The following RASEF variants were observed in gnomAD, a reference collection of about 807,000 sequenced individuals.
RASEF encodes the protein ras and EF-hand domain-containing protein.
Under a neutral mutation model 90.1 loss-of-function variants are expected in RASEF, and 68 were observed. That is an observed-to-expected ratio of 0.75 (90% CI 0.62 to 0.92). RASEF has a LOEUF of 0.92. Ranked by LOEUF, RASEF falls within the 40% of genes least tolerant of loss-of-function variation. RASEF has a pLI of 0.00. For missense variants in RASEF, 949 were observed against 937.2 expected (o/e 1.01, Z -0.16); for synonymous variants, 331 against 345.2 (o/e 0.96, Z 0.46).
chr9:83,190,993 T>C, the RASEF span, among the ~76,000 whole-genome samples: 1 of 152,220 alleles, frequency 6.6e-6, no homozygotes, highest in Non-Finnish European at 1.5e-5. Flanking sequence ...ATTCACTTAG[T>C]GCATGGCCTG....
At chr9:83,034,667 G>A (rs567980262) in intron 1 of RASEF, among the ~76,000 whole-genome samples, 50 of 152,310 alleles carry the variant, frequency 3.3e-4, no homozygotes, top group Middle Eastern at 3.4e-3. Context: ...TCATGCTGAC[G>A]CTTTACTGCA....
At chr9:83,059,007 G>A (rs1243170385) in intron 1 of RASEF, among the ~76,000 whole-genome samples, 1 of 152,076 alleles carries the variant, frequency 6.6e-6, no homozygotes, top group Non-Finnish European at 1.5e-5. Flanking sequence ...CCTGACCTGA[G>A]GCTGTCCCTC....
the RASEF span, among the ~76,000 whole-genome samples, chr9:83,198,839 G>T: frequency 6.7e-3 from 1,016 of 152,048 alleles, 14 homozygotes; most frequent in African/African-American, 0.023. Context: ...AGAATGGGGG[G>T]GAGGGATAAA....
the RASEF span, among the ~76,000 whole-genome samples, chr9:83,145,406 T>G: frequency 6.6e-6 from 1 of 152,126 alleles, no homozygotes; most frequent in African/African-American, 2.4e-5. Flanking sequence ...TTAATAGGTA[T>G]TAAATATTAT....
chr9:83,139,388 A>G, the RASEF span, among the ~76,000 whole-genome samples: 6 of 152,170 alleles, frequency 3.9e-5, no homozygotes, highest in African/African-American at 2.4e-5. Flanking sequence ...AAACTTAACT[A>G]TTAATAGCCT....
chr9:83,001,180 G>T, intron 9 of RASEF, 50 bp from the exon 10 acceptor site: 1 of 1,350,604 alleles, frequency 7.4e-7, no homozygotes, highest in Non-Finnish European at 1.0e-6. Context: ...AAATGCTCAA[G>T]AACATACAGG....
the RASEF span, among the ~76,000 whole-genome samples, chr9:83,110,371 ATTTATTT>A: frequency 6.6e-6 from 1 of 152,054 alleles, no homozygotes; most frequent in Non-Finnish European, 1.5e-5. Flanking sequence ...TATACCAATA[ATTTATTT>A]TTTAAAAAAC....
the RASEF span, among the ~76,000 whole-genome samples, chr9:83,142,647 A>G: frequency 6.6e-6 from 1 of 152,190 alleles, no homozygotes; most frequent in Admixed American, 6.6e-5. Context: ...GAGAAACTAT[A>G]GGGAGTGGTG....
the RASEF span, among the ~76,000 whole-genome samples, chr9:83,150,770 C>T: frequency 1.3e-5 from 2 of 152,132 alleles, no homozygotes; most frequent in Non-Finnish European, 1.5e-5. Context: ...GTTTATTCAT[C>T]TTTATAGTCA....
At chr9:83,081,615 A>C in the RASEF span, among the ~76,000 whole-genome samples, 6 of 152,194 alleles carry the variant, frequency 3.9e-5, no homozygotes, top group African/African-American at 1.2e-4. Context: ...CTTGTAATAC[A>C]TTTCTCTCAA....
intron 1 of RASEF, among the ~76,000 whole-genome samples, chr9:83,035,780 A>G (rs1262283780): frequency 6.6e-6 from 1 of 152,172 alleles, no homozygotes; most frequent in Non-Finnish European, 1.5e-5. Context: ...AAAGGAATAC[A>G]ATATCAATTT....
At chr9:83,149,858 A>G in the RASEF span, among the ~76,000 whole-genome samples, 11 of 152,202 alleles carry the variant, frequency 7.2e-5, no homozygotes, top group Admixed American at 7.2e-4. Context: ...CCAATGACCA[A>G]TTCCTGAATT....
Position 83,007,445 on chromosome 9 carries a change from T to C in RASEF, c.1020A>G (p.Glu340=). ...EDRNSLERQI[E]ILQTANRKLH... is the part of the protein sequence containing the mutation. ...TTGATCTGCGGACTTACTGGAGTAT[T>C]TCAATTTGCCTCTCAAGACTATTTC... The change falls in exon 7 of 17, where the codon GAA becomes GAG. Residue 340 remains glutamate (E), a synonymous_variant. Coordinates refer to ENST00000376447, the MANE Select transcript of RASEF (RefSeq NM_152573.4). 1 of 1,609,836 alleles carries C rather than the reference T, an allele frequency of 6.2e-7. No individual in the cohort carries two copies. Among genetic ancestry groups the C allele is most frequent in the Non-Finnish European group, 8.5e-7 (1 of 1,176,078 alleles).
At chr9:83,142,911 T>C in the RASEF span, among the ~76,000 whole-genome samples, 2 of 147,512 alleles carry the variant, frequency 1.4e-5, no homozygotes, top group South Asian at 4.4e-4. Flanking sequence ...CAGAACAAGA[T>C]TATCTTTTAC....
the RASEF span, among the ~76,000 whole-genome samples, chr9:83,122,741 G>A: frequency 8.9e-4 from 136 of 152,290 alleles, 1 homozygote; most frequent in African/African-American, 2.6e-3. Context: ...TTTCTTAAAC[G>A]TTATTTTAAA....
At chr9:83,137,339 G>T in the RASEF span, among the ~76,000 whole-genome samples, 1 of 152,084 alleles carries the variant, frequency 6.6e-6, no homozygotes, top group Non-Finnish European at 1.5e-5. Context: ...CATAGTCACT[G>T]GGTGCAAAAT....
the RASEF span, among the ~76,000 whole-genome samples, chr9:83,153,025 G>T: frequency 4.6e-5 from 7 of 152,042 alleles, no homozygotes; most frequent in African/African-American, 1.7e-4. Context: ...GCTTAATTTT[G>T]CCATGAAGGA....
In RASEF at chr9:82,982,666, A is replaced by G. The variant is rs1161371643; in HGVS notation, c.*11T>C. On this transcript the variant is annotated 3_prime_UTR_variant, in exon 17 of 17. Transcript: ENST00000376447. The stretch of plus-strand genomic sequence containing the variant: ...GAAATGAAGACTTCACAGGCCAAGG[A>G]TGTTTGGGATTTAGCCATTGCAACA... 3 of 1,445,220 alleles carry G rather than the reference A, an allele frequency of 2.1e-6. No individual in the cohort carries two copies. In the Admixed American group the frequency reaches 5.0e-5, roughly 24 times the overall value. The allele number at this position is 1,445,220 out of a possible 1,614,324, so 89.5% of individuals were successfully genotyped here.
chr9:83,001,504 T>C (rs1006739265), intron 9 of RASEF, among the ~76,000 whole-genome samples: 2 of 152,208 alleles, frequency 1.3e-5, no homozygotes, highest in Non-Finnish European at 2.9e-5. Flanking sequence ...TCAGACCATA[T>C]TCTGAACATT....
Sources: gnomAD v4.1 joint callset for allele counts (sites outside exome capture counted in the v4.1 genomes callset) on GRCh38, gnomAD v4.1.1 for gene constraint, MANE v1.5 for transcripts, NCBI Gene and HGNC (gene_info 2026-07-23, HGNC 2026-07-21) for gene names.